CYFIP2: variants seen among roughly 807,000 people sequenced by gnomAD.
CYFIP2 encodes cytoplasmic FMR1 interacting protein 2, also known as cytoplasmic FMR1-interacting protein 2.
A neutral mutation model predicts 158.7 loss-of-function variants in CYFIP2; 29 were observed. The observed-to-expected ratio is 0.18, with a 90% CI of 0.14 to 0.25. The LOEUF is 0.25. CYFIP2 is among the 10% of genes least tolerant of loss of function. The pLI is 1.00. For missense variants in CYFIP2, 852 were observed against 1,639.5 expected (o/e 0.52, Z 8.29); for synonymous variants, 585 against 617.6 (o/e 0.95, Z 0.78).
In CYFIP2 at chr5:157,304,417, CTT is replaced by C; in HGVS notation, c.795+52_795+53del. 1.9e-6 allele frequency: 3 copies of C among 1,544,068 alleles called. No homozygotes were observed. The South Asian group carries it at 3.6e-5, about 19-fold the overall frequency. ...ATGGAGCCTGGGCTTACCCTCTCAC[CTT>C]CTTCTTATTAAAAATCCGTTTTAAA... On this transcript the variant is annotated intron_variant, in intron 8 of 30. Coordinates refer to ENST00000620254, the MANE Select transcript of CYFIP2 (RefSeq NM_001037333.3).
At chr5:157,340,178 A>G (rs10058181) in intron 22 of CYFIP2, among the ~76,000 whole-genome samples, 70,680 of 152,178 alleles carry the variant, frequency 0.46, 18,257 homozygotes, top group African/African-American at 0.71. Context: ...TTCATAACCC[A>G]GTGGAAGAGT....
chr5:157,277,929 C>T (rs891296336), intron 1 of CYFIP2, among the ~76,000 whole-genome samples: 40 of 152,064 alleles, frequency 2.6e-4, no homozygotes, highest in African/African-American at 7.5e-4. Context: ...CAAACCTGTA[C>T]GGCATGTTCT....
At chr5:157,334,891 G>A (rs1017242022) in intron 21 of CYFIP2, among the ~76,000 whole-genome samples, 8 of 152,190 alleles carry the variant, frequency 5.3e-5, no homozygotes, top group Admixed American at 5.2e-4. Context: ...TCAGCTAATA[G>A]TGTTGTACCA....
intron 1 of CYFIP2, among the ~76,000 whole-genome samples, chr5:157,284,946 A>G (rs1757258459): frequency 1.3e-5 from 2 of 152,226 alleles, no homozygotes; most frequent in African/African-American, 4.8e-5. Context: ...CCTTATGAAG[A>G]ACAAAAGGTG....
intron 19 of CYFIP2, among the ~76,000 whole-genome samples, chr5:157,330,110 A>G (rs1467054845): frequency 6.6e-6 from 1 of 152,172 alleles, no homozygotes; most frequent in Non-Finnish European, 1.5e-5. Flanking sequence ...ACTTCTTTAG[A>G]GAGACTTTGG....
intron 26 of CYFIP2, among the ~76,000 whole-genome samples, chr5:157,368,814 C>T (rs1407943275): frequency 6.6e-6 from 1 of 151,840 alleles, no homozygotes; most frequent in African/African-American, 2.4e-5. Context: ...CACTGTTCAC[C>T]ACCCACCTGC....
rs1755586522 is a variant in CYFIP2 at position 157,266,306 on chromosome 5, G to C, written c.-24+111G>C. On this transcript the variant is annotated intron_variant, in intron 1 of 30. Transcript: ENST00000620254. The surrounding 1 kb of genome is among the most constrained non-coding windows in gnomAD (Gnocchi z 4.2). ...GGCCGCCCCCTCTCCCGGCCCGCGG[G>C]GGGCGCTCGGCGCTGTGCCCGGGCT... 1 of 151,066 alleles carries C rather than the reference G, an allele frequency of 6.6e-6. No individual in the cohort carries two copies. The highest frequency in any genetic ancestry group is 2.4e-5 in the African/African-American group (1 of 41,314). The allele number at this position is 151,066 out of a possible 1,614,324, so 9.4% of individuals were successfully genotyped here. A position where few individuals can be genotyped will look rare whatever the true frequency, so the allele number is the denominator to read the frequency against.
rs774385778 is a variant in CYFIP2, at chr5:157,339,045, C to T, written c.2386-12C>T. On this transcript the variant is annotated splice_polypyrimidine_tract_variant and intron_variant, in intron 21 of 30. Coordinates refer to ENST00000620254, the MANE Select transcript of CYFIP2 (RefSeq NM_001037333.3). ...CAAGTCCTCAGCAGTTGTGGGCTCT[C>T]TCTCTGTACAGGAGCTGGAGTGGCT... The T allele has an allele frequency of 1.9e-6, 3 of 1,606,144 alleles. No homozygotes were observed. Among genetic ancestry groups the T allele is most frequent in the East Asian group, 2.2e-5 (1 of 44,596 alleles).
intron 15 of CYFIP2, among the ~76,000 whole-genome samples, chr5:157,321,937 A>G (rs10072324): frequency 0.47 from 71,330 of 152,116 alleles, 18,756 homozygotes; most frequent in African/African-American, 0.72. Flanking sequence ...GTTTCTGTAA[A>G]TTTTAAGACA....
In CYFIP2 at chr5:157,358,993, T is replaced by C; in HGVS notation, c.2674-12T>C. The C allele has an allele frequency of 6.2e-7, 1 of 1,613,954 alleles. No individual in the cohort carries two copies. Among genetic ancestry groups the C allele is most frequent in the Non-Finnish European group, 8.5e-7 (1 of 1,179,860 alleles). ...ACTCAGGCACTTATTTGCCACTACC[T>C]CTGTTTTCCAGCCTCTCAACATTGC... On this transcript the variant is annotated splice_polypyrimidine_tract_variant and intron_variant, in intron 23 of 30. Transcript: ENST00000620254.
chr5:157,311,480 C>T lies in CYFIP2; in HGVS notation c.993-184C>T, dbSNP rs1394093646. 2 of 601,122 alleles carry T rather than the reference C, an allele frequency of 3.3e-6. No homozygotes were observed. Among genetic ancestry groups the T allele is most frequent in the African/African-American group, 3.7e-5 (2 of 53,634 alleles). 37.2% of individuals were successfully genotyped at this position (601,122 alleles called of 1,614,324 possible). ...CCAAAGAGGAGGAGGAAGGACTGTT[C>T]CATTAGGCCTGAAGCTCCCACAGTG... On this transcript the variant is annotated intron_variant, in intron 10 of 30. Coordinates refer to ENST00000620254, the MANE Select transcript of CYFIP2 (RefSeq NM_001037333.3). The surrounding 1 kb of genome is among the most constrained non-coding windows in gnomAD (Gnocchi z 4.7).
intron 1 of CYFIP2, among the ~76,000 whole-genome samples, chr5:157,278,566 C>G (rs1756743752): frequency 6.6e-6 from 1 of 152,154 alleles, no homozygotes; most frequent in African/African-American, 2.4e-5. Flanking sequence ...ACACAGTGTC[C>G]TCAGAAACAC....
intron 5 of CYFIP2, among the ~76,000 whole-genome samples, chr5:157,297,592 G>A (rs147551416): frequency 1.5e-4 from 23 of 152,242 alleles, no homozygotes; most frequent in Non-Finnish European, 2.6e-4. Context: ...GGAAGGCAGG[G>A]CCAAGAGAGA....
chr5:157,338,903 C>T (rs894520077), intron 21 of CYFIP2, among the ~76,000 whole-genome samples, 154 bp from the exon 22 acceptor site: 1 of 152,220 alleles, frequency 6.6e-6, no homozygotes, highest in Non-Finnish European at 1.5e-5. Flanking sequence ...GGAACCTTGT[C>T]ACCTGCTACT....
At chr5:157,307,636 G>GGTGTGT (rs144622623) in intron 8 of CYFIP2, 125 bp from the exon 9 acceptor site, 15,587 of 423,102 alleles carry the variant, frequency 0.037, 138 homozygotes, top group Non-Finnish European at 0.044. Flanking sequence ...GTCTCTACAG[G>GGTGTGT]GTGTGTGTGT....
chr5:157,345,832 T>A (rs1762644887), intron 23 of CYFIP2: 1 of 152,290 alleles, frequency 6.6e-6, no homozygotes, highest in Admixed American at 6.5e-5. Context: ...AAAGGGCAGA[T>A]GATCCCCTGA....
In CYFIP2 at chr5:157,319,213, A is replaced by G. The variant is rs189806583; in HGVS notation, c.1357-549A>G. 9.2e-5 allele frequency among the ~76,000 whole-genome samples: 14 copies of G among 152,328 alleles called. No individual in the cohort carries two copies. The East Asian group carries it at 2.7e-3, about 29-fold the overall frequency. On this transcript the variant is annotated intron_variant, in intron 13 of 30. Transcript: ENST00000620254. ...GTGAGTTAGGGTAAGGAGAAGGGAA[A>G]TAGGGGAGTAGAGGCATTCTCCCCC...
chr5:157,278,011 T>C (rs1185535221), intron 1 of CYFIP2, among the ~76,000 whole-genome samples: 2 of 152,134 alleles, frequency 1.3e-5, no homozygotes, highest in Non-Finnish European at 2.9e-5. Flanking sequence ...AAAGGTACAG[T>C]AAAAATATGA....
At chr5:157,333,134 T>G (rs946822009) in intron 20 of CYFIP2, among the ~76,000 whole-genome samples, 193 bp from the exon 21 acceptor site, 3 of 152,190 alleles carry the variant, frequency 2.0e-5, no homozygotes, top group African/African-American at 7.2e-5. Context: ...GGCTCCTCCC[T>G]GCTGCAAACA....
Sources: gnomAD v4.1 joint callset for allele counts (sites outside exome capture counted in the v4.1 genomes callset) on GRCh38, gnomAD v4.1.1 for gene constraint, Gnocchi (gnomAD v3.1) non-coding constraint, MANE v1.5 for transcripts, NCBI Gene and HGNC (gene_info 2026-07-23, HGNC 2026-07-21) for gene names.